Variants in ASTN1 observed in about 807,000 individuals in gnomAD.
ASTN1 encodes the protein astrotactin 1, also known as astrotactin-1.
Under a neutral mutation model 140.7 loss-of-function variants are expected in ASTN1, and 41 were observed. The observed-to-expected ratio is 0.29, with a 90% confidence interval of 0.23 to 0.38. The LOEUF is 0.38. ASTN1 is among the 10% of genes least tolerant of loss of function. The pLI, the probability that ASTN1 is intolerant of heterozygous loss-of-function variation, is 1.00. For missense variants in ASTN1, 1,479 were observed against 1,678.8 expected, an observed-to-expected ratio of 0.88 and a Z score of 2.08; for synonymous variants, 640 against 652.2, an observed-to-expected ratio of 0.98 and a Z score of 0.29.
At chr1:176,931,415 G>C (rs1313112569) in intron 16 of ASTN1, among the ~76,000 whole-genome samples, 2 of 152,078 alleles carry the variant, frequency 1.3e-5, no homozygotes, top group African/African-American at 4.8e-5. Flanking sequence ...GCGGTGAGCC[G>C]AGATCACGCC....
chr1:176,954,364 A>G (rs1271662812), intron 11 of ASTN1, among the ~76,000 whole-genome samples: 4 of 152,182 alleles, frequency 2.6e-5, no homozygotes, highest in African/African-American at 7.2e-5. Flanking sequence ...GGCTTTAAAT[A>G]TGGGGAAGAG....
intron 1 of ASTN1, among the ~76,000 whole-genome samples, chr1:177,143,380 T>C: frequency 6.6e-6 from 1 of 152,224 alleles, no homozygotes; most frequent in African/African-American, 2.4e-5. Flanking sequence ...TCAGATTTGC[T>C]ATGGCCACGC....
chr1:176,901,840 A>C (rs1436190782), intron 16 of ASTN1, among the ~76,000 whole-genome samples: 1 of 152,216 alleles, frequency 6.6e-6, no homozygotes, highest in Non-Finnish European at 1.5e-5. Flanking sequence ...ATAGTCCCGA[A>C]TCCAAAGGGT....
At chr1:176,932,432 A>G (rs1035527693) in intron 16 of ASTN1, among the ~76,000 whole-genome samples, 1 of 152,188 alleles carries the variant, frequency 6.6e-6, no homozygotes, top group Non-Finnish European at 1.5e-5. Flanking sequence ...AAGGAAATTG[A>G]TAACTAAGGA....
chr1:177,023,293 C>G (rs1280521481), intron 7 of ASTN1, 111 bp downstream of exon 7: 1 of 1,374,368 alleles, frequency 7.3e-7, no homozygotes, highest in Non-Finnish European at 9.9e-7. Context: ...GGTCTAGGCT[C>G]GAGATGGCAG....
Position 176,965,101 on chromosome 1 carries a change from C to T in ASTN1, c.1598+62G>A, listed in dbSNP as rs537446972. The T allele has an allele frequency of 1.7e-5, 25 of 1,499,736 alleles. 1 individual carries two copies. Among genetic ancestry groups the T allele is most frequent in the Middle Eastern group, 1.7e-4 (1 of 5,820 alleles). 92.9% of individuals were successfully genotyped at this position (1,499,736 alleles called of 1,614,324 possible). ...ACTTTACCAACTAGGAAAGTCAGTT[C>T]GGGGGAAGCGGAACACAGGGTTTGC... On this transcript the variant is annotated intron_variant, in intron 9 of 22. Transcript: ENST00000361833.
intron 11 of ASTN1, among the ~76,000 whole-genome samples, chr1:176,952,066 T>C (rs1035033962): frequency 6.6e-6 from 1 of 152,188 alleles, no homozygotes; most frequent in Non-Finnish European, 1.5e-5. Context: ...TACTCCGCCA[T>C]GCTGCTTCTC....
At position 177,030,896 on chromosome 1, in the gene ASTN1, T is replaced by C. The variant is rs759051194; in HGVS notation, c.922A>G (p.Thr308Ala). The C allele has an allele frequency of 1.2e-6, 2 of 1,614,186 alleles. No homozygotes were observed. Among genetic ancestry groups the C allele is most frequent in the Non-Finnish European group, 1.7e-6 (2 of 1,180,026 alleles). Residue 308 changes from threonine (T) to alanine (A), a missense_variant, in exon 4 of 23, where the codon ACT becomes GCT. Transcript: ENST00000361833. ...TGGTGGTTGGAGTCCACAGGGCTAG[T>C]GGCTATAATATTATCTTTATACTTG... ...MNKYKDNIIA[T>A]SPVDSNHQQA...
chr1:176,902,741 C>T (rs1669823232), intron 16 of ASTN1, among the ~76,000 whole-genome samples: 1 of 152,192 alleles, frequency 6.6e-6, no homozygotes, highest in Non-Finnish European at 1.5e-5. Flanking sequence ...AACACAAAAA[C>T]AGCCTTTGAA....
chr1:176,934,095 T>C, intron 16 of ASTN1, 57 bp downstream of exon 16: 1 of 1,505,396 alleles, frequency 6.6e-7, no homozygotes, highest in Non-Finnish European at 9.0e-7. Context: ...ATAGATTGTA[T>C]GCAGGTAGCC....
Position 177,164,655 on chromosome 1 carries a change from C to T in ASTN1, c.22G>A (p.Ala8Thr). The change falls in exon 1 of 23, where the codon GCC (alanine) becomes ACC (threonine). Residue 8 changes from alanine to threonine, a missense_variant. Around this residue, in one of 3 missense-constraint regions of ASTN1, gnomAD observed 729 missense variants for 860.4 expected, o/e 0.85. Coordinates refer to ENST00000361833, the MANE Select transcript of ASTN1 (RefSeq NM_004319.3). Reference sequence around the variant, plus strand: ...GGCCCCCAGCAGCAGGCGAGCAGGGCGCAGAGCCCGGCTAAAGCCATCTTG... The same window carrying T: ...GGCCCCCAGCAGCAGGCGAGCAGGGTGCAGAGCCCGGCTAAAGCCATCTTG... MALAGLC[A>T]LLACCWGPAA... 1.3e-6 allele frequency: 2 copies of T among 1,591,882 alleles called. No homozygotes were observed. The highest frequency in any genetic ancestry group is 1.7e-6 in the Non-Finnish European group (2 of 1,169,202).
chr1:177,134,341 T>C (rs918722618), intron 1 of ASTN1, among the ~76,000 whole-genome samples: 2 of 152,248 alleles, frequency 1.3e-5, no homozygotes, highest in Non-Finnish European at 2.9e-5. Flanking sequence ...TGCACGGGTC[T>C]AATCAGCTCT....
intron 14 of ASTN1, among the ~76,000 whole-genome samples, chr1:176,937,148 CTCTT>C (rs763017216): frequency 6.6e-6 from 1 of 152,182 alleles, no homozygotes; most frequent in Non-Finnish European, 1.5e-5. Flanking sequence ...GATTTTTACT[CTCTT>C]TAATGGTTGC....
At chr1:176,900,348 C>G (rs1669712549) in intron 16 of ASTN1, among the ~76,000 whole-genome samples, 1 of 152,210 alleles carries the variant, frequency 6.6e-6, no homozygotes. Flanking sequence ...CCTCCGTACT[C>G]TCCTCAGCAG....
At chr1:177,050,949 G>C (rs895392487) in intron 2 of ASTN1, among the ~76,000 whole-genome samples, 12 of 152,036 alleles carry the variant, frequency 7.9e-5, no homozygotes, top group Non-Finnish European at 1.3e-4. Flanking sequence ...GGAGCCATCA[G>C]ACTCACAGGG....
chr1:176,995,924 G>A (rs1178352032), intron 8 of ASTN1, among the ~76,000 whole-genome samples: 1 of 152,104 alleles, frequency 6.6e-6, no homozygotes, highest in Admixed American at 6.6e-5. Context: ...TTGCAGTGAT[G>A]AAGAGGAGAT....
At chr1:176,996,807 G>A (rs1674476210) in intron 8 of ASTN1, among the ~76,000 whole-genome samples, 1 of 152,132 alleles carries the variant, frequency 6.6e-6, no homozygotes, top group African/African-American at 2.4e-5. Context: ...TGGAAAATCT[G>A]ACTGCAGTGT....
chr1:176,857,449 G>C (rs1667846459), downstream of ASTN1: 2 of 406,352 alleles, frequency 4.9e-6, no homozygotes, highest in Non-Finnish European at 8.7e-6. Flanking sequence ...AGGACAAATA[G>C]GAGCAACCTA....
rs556128532 is a variant in ASTN1, at chr1:176,862,423, C to T, written c.*1861G>A. 383 of 985,374 alleles carry T rather than the reference C, an allele frequency of 3.9e-4. 2 individuals carry two copies. In the African/African-American group the frequency reaches 5.6e-3, roughly 14 times the overall value. 61.0% of individuals were successfully genotyped at this position (985,374 alleles called of 1,614,324 possible). ...GTGCTCTAGCTCCAAAGGCTAAGGG[C>T]GTACTTTCGCCCCTCCTCCTTCCAC... On this transcript the variant is annotated 3_prime_UTR_variant, in exon 23 of 23. Transcript: ENST00000361833.
Sources: allele counts gnomAD v4.1 joint callset (sites outside exome capture counted in the v4.1 genomes callset), GRCh38; gene constraint gnomAD v4.1.1; regional missense constraint gnomAD v4.1.1; transcripts MANE v1.5; gene names NCBI Gene and HGNC (gene_info 2026-07-23, HGNC 2026-07-21).